The following GRIP1 variants were observed in gnomAD, a reference collection of about 807,000 sequenced individuals.
GRIP1 encodes the protein glutamate receptor-interacting protein 1.
A neutral mutation model predicts 129.9 loss-of-function variants in GRIP1; 45 were observed. That is an observed-to-expected ratio of 0.35 (90% confidence interval 0.27 to 0.44). GRIP1 has a LOEUF of 0.44. Among genes scored for constraint, GRIP1 ranks in the 20% least tolerant of loss-of-function variants. The probability of loss-of-function intolerance (pLI) is 1.00; values close to 1 mark genes in which losing one functional copy is unlikely to be tolerated. For missense variants in GRIP1, 1,196 were observed against 1,396.8 expected (o/e 0.86, Z 2.29); for synonymous variants, 530 against 520.8 (o/e 1.02, Z -0.24).
At chr12:67,045,816 CA>C (rs2043244871) in intron 1 of GRIP1, among the ~76,000 whole-genome samples, 1 of 152,192 alleles carries the variant, frequency 6.6e-6, no homozygotes, top group South Asian at 2.1e-4. Flanking sequence ...CAACACAAGT[CA>C]AATGCTGGTG....
At chr12:66,796,153 A>AGG (rs2038690673) in intron 1 of GRIP1, among the ~76,000 whole-genome samples, 1 of 152,100 alleles carries the variant, frequency 6.6e-6, no homozygotes, top group Non-Finnish European at 1.5e-5. Flanking sequence ...TGTGAATAGC[A>AGG]ACAGCAGTCC....
rs567754317 is a variant in GRIP1 at position 66,347,594 on chromosome 12, A to ACTT, written c.*1422_*1424dup. ...TAAAGTATTAAATTTGTACAAAAAT[A>ACTT]CTTTACAGTTTAATACTTGTTTGTT... On this transcript the variant is annotated 3_prime_UTR_variant, in exon 25 of 25. Transcript: ENST00000359742. 3.0e-4 allele frequency: 45 copies of ACTT among 152,346 alleles called. No homozygotes were observed. In the East Asian group the frequency reaches 5.2e-3, roughly 18 times the overall value. 9.4% of individuals were successfully genotyped at this position (152,346 alleles called of 1,614,324 possible). A position where few individuals can be genotyped will look rare whatever the true frequency, so the allele number is the denominator to read the frequency against.
chr12:66,578,231 G>GTTTTTT (rs1462512737), intron 2 of GRIP1, among the ~76,000 whole-genome samples: 89 of 31,480 alleles, frequency 2.8e-3, no homozygotes, highest in Middle Eastern at 0.014. Flanking sequence ...GCAAAACCGC[G>GTTTTTT]GTTTTTTTTT....
intron 1 of GRIP1, among the ~76,000 whole-genome samples, chr12:66,608,508 T>A (rs942036195): frequency 6.6e-6 from 1 of 152,100 alleles, no homozygotes; most frequent in Non-Finnish European, 1.5e-5. Flanking sequence ...AATTTTTATA[T>A]TTTTAGTAGA....
At chr12:66,644,499 C>CA (rs2032198095) in intron 1 of GRIP1, among the ~76,000 whole-genome samples, 1 of 152,204 alleles carries the variant, frequency 6.6e-6, no homozygotes, top group Non-Finnish European at 1.5e-5. Flanking sequence ...CACCAAACCT[C>CA]AAAAGAAGAT....
chr12:66,970,631 C>A (rs1252059623), intron 1 of GRIP1, among the ~76,000 whole-genome samples: 2 of 145,838 alleles, frequency 1.4e-5, no homozygotes, highest in Non-Finnish European at 3.0e-5. Flanking sequence ...CTGCATCTTG[C>A]AGCTCTTTCA....
chr12:66,715,283 T>A (rs1416233221), intron 1 of GRIP1, among the ~76,000 whole-genome samples: 1 of 152,018 alleles, frequency 6.6e-6, no homozygotes, highest in South Asian at 2.1e-4. Flanking sequence ...CTACTTGTGC[T>A]TTCTGGAGCC....
At chr12:66,837,936 G>A (rs1462784872) in intron 1 of GRIP1, among the ~76,000 whole-genome samples, 20 of 152,208 alleles carry the variant, frequency 1.3e-4, no homozygotes, top group Admixed American at 1.3e-3. Flanking sequence ...GCCCACACCT[G>A]TAATCCCAGC....
intron 1 of GRIP1, among the ~76,000 whole-genome samples, chr12:66,811,211 A>G (rs1322742574): frequency 6.6e-6 from 1 of 152,224 alleles, no homozygotes. Context: ...TTTCTACCAT[A>G]TAGAATATGT....
At chr12:66,893,041 C>T (rs1175439576) in intron 1 of GRIP1, among the ~76,000 whole-genome samples, 1 of 152,112 alleles carries the variant, frequency 6.6e-6, no homozygotes, top group Non-Finnish European at 1.5e-5. Flanking sequence ...AAAGAAACAT[C>T]CTATGCCACT....
chr12:66,991,212 G>A (rs2042389983), intron 1 of GRIP1, among the ~76,000 whole-genome samples: 3 of 152,048 alleles, frequency 2.0e-5, no homozygotes, highest in Admixed American at 1.3e-4. Context: ...GGCAGAGCTT[G>A]CAGTGAGCCG....
At chr12:66,876,380 TGA>T (rs1370679589) in intron 1 of GRIP1, among the ~76,000 whole-genome samples, 2 of 152,054 alleles carry the variant, frequency 1.3e-5, no homozygotes, top group Admixed American at 6.6e-5. Context: ...AACAACCCTA[TGA>T]GTTAGGTACT....
intron 15 of GRIP1, among the ~76,000 whole-genome samples, chr12:66,414,997 AG>A (rs2057544777): frequency 1.3e-5 from 2 of 151,340 alleles, no homozygotes; most frequent in African/African-American, 2.4e-5. Flanking sequence ...AATGGATTAA[AG>A]ACTTAAATGT....
At chr12:67,028,081 T>C (rs2042966299) in intron 1 of GRIP1, among the ~76,000 whole-genome samples, 1 of 152,158 alleles carries the variant, frequency 6.6e-6, no homozygotes, top group African/African-American at 2.4e-5. Context: ...ACCTGGATAT[T>C]TTCTGGACCC....
chr12:66,998,226 T>C (rs1275463347), intron 1 of GRIP1, among the ~76,000 whole-genome samples: 1 of 152,204 alleles, frequency 6.6e-6, no homozygotes, highest in Admixed American at 6.5e-5. Flanking sequence ...GTGACTGTAC[T>C]AGACACAGAG....
intron 15 of GRIP1, among the ~76,000 whole-genome samples, chr12:66,414,929 TTA>T (rs1230420785): frequency 3.1e-5 from 4 of 127,988 alleles, no homozygotes; most frequent in Non-Finnish European, 4.6e-5. Flanking sequence ...TCCTTACACC[TTA>T]TATAAAATAA....
chr12:66,383,436 C>T (rs1265312354), intron 19 of GRIP1, among the ~76,000 whole-genome samples: 2 of 152,150 alleles, frequency 1.3e-5, no homozygotes, highest in African/African-American at 4.8e-5. Flanking sequence ...TGTTCTACTC[C>T]TAAGAAGGGA....
At chr12:66,386,484 A>G (rs2056363974) in intron 19 of GRIP1, among the ~76,000 whole-genome samples, 1 of 152,090 alleles carries the variant, frequency 6.6e-6, no homozygotes, top group Non-Finnish European at 1.5e-5. Context: ...AATACAAAAA[A>G]TTAGCTGGTC....
chr12:66,786,341 G>GGA (rs2038344670), intron 1 of GRIP1, among the ~76,000 whole-genome samples: 1 of 152,108 alleles, frequency 6.6e-6, no homozygotes. Flanking sequence ...TGAGATGCAT[G>GGA]GATACCACAG....
Sources: gnomAD v4.1 joint callset for allele counts (sites outside exome capture counted in the v4.1 genomes callset) on GRCh38, gnomAD v4.1.1 for gene constraint, MANE v1.5 for transcripts, NCBI Gene and HGNC (gene_info 2026-07-23, HGNC 2026-07-21) for gene names.